Variants in SIM1 observed in about 807,000 individuals in gnomAD.
The protein encoded by SIM1 is single-minded homolog 1.
SIM1 carries 18 observed loss-of-function variants against 78.2 expected under a neutral mutation model. The ratio of observed to expected loss-of-function variants is 0.23; its 90% confidence interval spans 0.16 to 0.34. SIM1 has a LOEUF of 0.34. Ranked by LOEUF, SIM1 falls within the 10% of genes least tolerant of loss-of-function variation. SIM1 has a pLI of 1.00. For missense variants in SIM1, 939 were observed against 975.1 expected (o/e 0.96, Z 0.49); for synonymous variants, 417 against 385.2 (o/e 1.08, Z -0.97).
At chr6:100,426,566 A>G (rs1452765937) in intron 9 of SIM1, among the ~76,000 whole-genome samples, 1 of 152,196 alleles carries the variant, frequency 6.6e-6, no homozygotes, top group Admixed American at 6.5e-5. Flanking sequence ...ATGCATTAAC[A>G]TTATTTCTAT....
rs1302996072 is a variant in SIM1, at chr6:100,390,822, G to C, written c.1840C>G (p.Pro614Ala). 3 of 1,614,074 alleles carry C rather than the reference G, an allele frequency of 1.9e-6. No homozygotes were observed. Among genetic ancestry groups the C allele is most frequent in the Non-Finnish European group, 2.5e-6 (3 of 1,180,044 alleles). The change falls in exon 12 of 12, where the codon CCA becomes GCA. Residue 614 changes from proline to alanine, a missense_variant. Physicochemically the swap from Pro to Ala is conservative, Grantham distance 27. Transcript: ENST00000369208. ...GAGCCATGGCAGACTTCACCTGTTG[G>C]TGGGGGCTGTTGGTAGTTTGCAAAA... The part of the protein sequence containing the change: ...LCFANYQQPP[P>A]TGEVCHGSAL...
At position 100,411,352 on chromosome 6, in the gene SIM1, G is replaced by C. The variant is rs1771187368; in HGVS notation, c.1167+9438C>G. 2.0e-5 allele frequency among the ~76,000 whole-genome samples: 3 copies of C among 152,318 alleles called. No homozygotes were observed. In the South Asian group the frequency reaches 6.2e-4, roughly 32 times the overall value. On this transcript the variant is annotated intron_variant, in intron 10 of 11. Transcript: ENST00000369208. Reference sequence around the variant, plus strand: ...GCCCAGTTCAGGACTGGAAACCCTGGAGTATGAGACAGAGAGTGCTCATTC... The same window carrying C: ...GCCCAGTTCAGGACTGGAAACCCTGCAGTATGAGACAGAGAGTGCTCATTC...
At chr6:100,415,277 A>G (rs987462247) in intron 10 of SIM1, among the ~76,000 whole-genome samples, 2 of 152,244 alleles carry the variant, frequency 1.3e-5, no homozygotes, top group African/African-American at 4.8e-5. Flanking sequence ...TTTTATTAAA[A>G]TAGAAAATAT....
intron 9 of SIM1, among the ~76,000 whole-genome samples, chr6:100,437,024 C>T (rs1772071104): frequency 1.3e-5 from 2 of 152,118 alleles, no homozygotes; most frequent in African/African-American, 4.8e-5. Context: ...GCATGAGCCA[C>T]CACACTCGGC....
At chr6:100,454,384 C>T (rs189763583) in intron 2 of SIM1, among the ~76,000 whole-genome samples, 192 of 152,234 alleles carry the variant, frequency 1.3e-3, no homozygotes, top group Non-Finnish European at 2.1e-3. Flanking sequence ...GCTTTAATCG[C>T]CTTCGGAAAA....
chr6:100,434,740 C>A (rs148993050), intron 9 of SIM1, among the ~76,000 whole-genome samples: 26 of 152,288 alleles, frequency 1.7e-4, no homozygotes, highest in Admixed American at 5.9e-4. Context: ...TTTAAAAGCA[C>A]AAACACAGAG....
chr6:100,451,562 C>T (rs1772513680), intron 3 of SIM1, among the ~76,000 whole-genome samples: 1 of 151,972 alleles, frequency 6.6e-6, no homozygotes, highest in Admixed American at 6.6e-5. Context: ...AGAATGCAGA[C>T]AGTGATCTGA....
At chr6:100,437,773 T>C (rs1772094879) in intron 9 of SIM1, among the ~76,000 whole-genome samples, 1 of 152,180 alleles carries the variant, frequency 6.6e-6, no homozygotes, top group African/African-American at 2.4e-5. Flanking sequence ...AGAGTGAGCC[T>C]GACCAAACTG....
intron 10 of SIM1, among the ~76,000 whole-genome samples, chr6:100,404,305 T>C (rs921121609): frequency 3.9e-5 from 6 of 152,010 alleles, no homozygotes; most frequent in Admixed American, 1.3e-4. Flanking sequence ...GTTCCAACAA[T>C]AGATGTTATA....
At position 100,386,480 on chromosome 6, in the gene SIM1, G is replaced by T. The variant is rs927114098; in HGVS notation, c.*3881C>A. On this transcript the variant is annotated 3_prime_UTR_variant, in exon 12 of 12. Transcript: ENST00000369208. ...TGCTGCCATCCATCAAACTTACTTG[G>T]TTTAGATCTTGAGGGCGGAAATCTT... is the stretch of plus-strand genomic sequence containing the variant. 2 of 151,966 alleles carry T rather than the reference G, an allele frequency of 1.3e-5. No homozygotes were observed. Among genetic ancestry groups the T allele is most frequent in the African/African-American group, 4.8e-5 (2 of 41,412 alleles). 9.4% of individuals were successfully genotyped at this position (151,966 alleles called of 1,614,324 possible). A position where few individuals can be genotyped will look rare whatever the true frequency, so the allele number is the denominator to read the frequency against.
Position 100,391,418 on chromosome 6 carries a change from T to C in SIM1, c.1571-327A>G, listed in dbSNP as rs3798515. Among the ~76,000 whole-genome samples the C allele has an allele frequency of 0.069, 10,467 of 152,314 alleles. 484 individuals carry two copies. The highest frequency in any genetic ancestry group is 0.18 in the East Asian group (909 of 5,172). ...ATACTTCTCCATGGATATATGTTAT[T>C]AGACCTGTCTGACTGGAAATAAGAG... On this transcript the variant is annotated intron_variant, in intron 11 of 11. Transcript: ENST00000369208.
rs1001638533 is a variant in SIM1 at position 100,386,645 on chromosome 6, G to C, written c.*3716C>G. On this transcript the variant is annotated 3_prime_UTR_variant, in exon 12 of 12. Transcript: ENST00000369208. Reference sequence around the variant, plus strand: ...AGATCCCCTAAAGCTTATTTTAAGTGGGATTCTCTGCCCAGAGGCAGCATG... The same window carrying C: ...AGATCCCCTAAAGCTTATTTTAAGTCGGATTCTCTGCCCAGAGGCAGCATG... 5 of 152,014 alleles carry C rather than the reference G, an allele frequency of 3.3e-5. No homozygotes were observed. The highest frequency in any genetic ancestry group is 1.2e-4 in the African/African-American group (5 of 41,424). The allele number at this position is 152,014 out of a possible 1,614,324, so 9.4% of individuals were successfully genotyped here.
At position 100,449,733 on chromosome 6, in the gene SIM1, G is replaced by A. The variant is rs374128328; in HGVS notation, c.349-34C>T. 6.4e-6 allele frequency: 10 copies of A among 1,559,046 alleles called. No individual in the cohort carries two copies. In the African/African-American group the frequency reaches 1.2e-4, roughly 19 times the overall value. Reference sequence around the variant, plus strand: ...AGGAGGATGTCGCCGTCGCCGTGGCGGTGGAATGCCCGGTGAAGGGACTGA... The same window carrying A: ...AGGAGGATGTCGCCGTCGCCGTGGCAGTGGAATGCCCGGTGAAGGGACTGA... On this transcript the variant is annotated intron_variant, in intron 4 of 11. Transcript: ENST00000369208.
intron 9 of SIM1, among the ~76,000 whole-genome samples, chr6:100,442,213 A>T (rs937280564): frequency 1.3e-5 from 2 of 152,244 alleles, no homozygotes; most frequent in Non-Finnish European, 2.9e-5. Context: ...TGAATTCAAA[A>T]CCAAATACAG....
intron 3 of SIM1, among the ~76,000 whole-genome samples, chr6:100,450,696 T>TCTCTCTCTCACACACACACA (rs1421452803): frequency 2.2e-5 from 2 of 91,878 alleles, no homozygotes; most frequent in African/African-American, 7.8e-5. Flanking sequence ...TCTCTCTCTC[T>TCTCTCTCTCACACACACACA]CACACACACA....
intron 10 of SIM1, among the ~76,000 whole-genome samples, chr6:100,414,485 G>T (rs2114495801): frequency 6.6e-6 from 1 of 152,234 alleles, no homozygotes; most frequent in East Asian, 1.9e-4. Flanking sequence ...CATCTAAAAA[G>T]ATTATAAAGG....
chr6:100,440,693 G>T (rs944431693), intron 9 of SIM1, among the ~76,000 whole-genome samples: 2 of 152,082 alleles, frequency 1.3e-5, no homozygotes, highest in Non-Finnish European at 2.9e-5. Context: ...TTGCATGAAG[G>T]CTTAATTATA....
intron 10 of SIM1, among the ~76,000 whole-genome samples, chr6:100,406,559 G>A (rs1390152253): frequency 6.6e-6 from 1 of 152,138 alleles, no homozygotes; most frequent in African/African-American, 2.4e-5. Context: ...CCTCCACCAA[G>A]TTGAGCAACT....
chr6:100,430,018 C>T (rs1771860890), intron 9 of SIM1, among the ~76,000 whole-genome samples: 1 of 151,916 alleles, frequency 6.6e-6, no homozygotes, highest in South Asian at 2.1e-4. Context: ...TTCATGTGAG[C>T]TATATGACTT....
Sources: gnomAD v4.1 joint callset for allele counts (sites outside exome capture counted in the v4.1 genomes callset) on GRCh38, gnomAD v4.1.1 for gene constraint, MANE v1.5 for transcripts, NCBI Gene and HGNC (gene_info 2026-07-23, HGNC 2026-07-21) for gene names.